Variants in NSUN3 observed in about 807,000 individuals in gnomAD.
The protein encoded by NSUN3 is tRNA (cytosine(34)-C(5))-methyltransferase, mitochondrial.
In NSUN3, 24 loss-of-function variants were observed where a neutral mutation model predicts 36.8. That is an observed-to-expected ratio of 0.65 (90% CI 0.47 to 0.92). NSUN3 has a LOEUF of 0.92. Ranked by LOEUF, NSUN3 falls within the 40% of genes least tolerant of loss-of-function variation. The pLI, the probability that NSUN3 is intolerant of heterozygous loss-of-function variation, is 0.00. For synonymous variants in NSUN3, 146 were observed against 145.2 expected, an observed-to-expected ratio of 1.01 and a Z score of -0.04; for missense variants, 381 against 392.8, an observed-to-expected ratio of 0.97 and a Z score of 0.25.
intron 2 of NSUN3, among the ~76,000 whole-genome samples, chr3:94,069,193 G>A (rs984794581): frequency 2.0e-5 from 3 of 152,142 alleles, no homozygotes; most frequent in East Asian, 3.8e-4. Flanking sequence ...CACCAGAAAC[G>A]CAAAGGATTT....
intron 5 of NSUN3, among the ~76,000 whole-genome samples, chr3:94,125,307 T>C (rs1298789994): frequency 1.3e-5 from 2 of 152,194 alleles, no homozygotes; most frequent in Non-Finnish European, 2.9e-5. Flanking sequence ...TATTTAATAA[T>C]GAGACAATAA....
chr3:94,116,579 A>T (rs887859548), intron 5 of NSUN3, among the ~76,000 whole-genome samples: 2 of 152,146 alleles, frequency 1.3e-5, no homozygotes, highest in Admixed American at 1.3e-4. Context: ...TACTTGCAAC[A>T]ATAATTAAAT....
At chr3:94,083,569 G>A (rs1375102550) in intron 2 of NSUN3, among the ~76,000 whole-genome samples, 1 of 152,190 alleles carries the variant, frequency 6.6e-6, no homozygotes, top group East Asian at 1.9e-4. Flanking sequence ...GTTATGGACA[G>A]CAACCAGAGA....
intron 1 of NSUN3, chr3:94,063,742 C>T (rs1255178850): frequency 1.3e-5 from 2 of 152,552 alleles, no homozygotes; most frequent in Non-Finnish European, 2.9e-5. Flanking sequence ...CTCAGCCTCC[C>T]TAGTAGCTAG....
intron 5 of NSUN3, among the ~76,000 whole-genome samples, chr3:94,103,943 C>T (rs1368238622): frequency 1.3e-5 from 2 of 152,128 alleles, no homozygotes; most frequent in Non-Finnish European, 2.9e-5. Flanking sequence ...GCAGGTGACC[C>T]AATTAAATCT....
Position 94,130,428 on chromosome 3 carries a change from G to A in NSUN3, c.*3938G>A, listed in dbSNP as rs894413300. Among the ~76,000 whole-genome samples, 3 of 152,136 alleles carry A rather than the reference G, an allele frequency of 2.0e-5. No homozygotes were observed. The highest frequency in any genetic ancestry group is 7.2e-5 in the African/African-American group (3 of 41,426). The stretch of plus-strand genomic sequence containing the variant: ...AATGTCTGCATTTTTCCATTGATTG[G>A]AGTGCATCCTTAGAAAACTGAAAAT... On this transcript the variant is annotated 3_prime_UTR_variant, in exon 6 of 6. Coordinates refer to ENST00000314622, the MANE Select transcript of NSUN3 (RefSeq NM_022072.5).
At chr3:94,099,081 G>A (rs2077354594) in intron 5 of NSUN3, among the ~76,000 whole-genome samples, 1 of 152,094 alleles carries the variant, frequency 6.6e-6, no homozygotes, top group Non-Finnish European at 1.5e-5. Context: ...AGAATTTATA[G>A]CTGTAATTAA....
At chr3:94,089,541 A>C (rs1030052201) in intron 3 of NSUN3, among the ~76,000 whole-genome samples, 1 of 152,192 alleles carries the variant, frequency 6.6e-6, no homozygotes, top group Non-Finnish European at 1.5e-5. Context: ...CATTCCACTG[A>C]AAAGGGAAGA....
intron 5 of NSUN3, 140 bp from the exon 6 acceptor site, chr3:94,126,071 A>G: frequency 1.5e-6 from 1 of 686,842 alleles, no homozygotes; most frequent in Non-Finnish European, 2.3e-6. Context: ...AAAAAAAAAA[A>G]AAGACTAGAA....
At chr3:94,065,146 C>T (rs2077199169) in intron 2 of NSUN3, among the ~76,000 whole-genome samples, 1 of 152,142 alleles carries the variant, frequency 6.6e-6, no homozygotes, top group African/African-American at 2.4e-5. Context: ...ACATTGAGTG[C>T]CTGATACACT....
chr3:94,105,307 G>A lies in NSUN3; in HGVS notation c.743+10153G>A, dbSNP rs922212578. Among the ~76,000 whole-genome samples, 11 of 152,256 alleles carry A rather than the reference G, an allele frequency of 7.2e-5. No individual in the cohort carries two copies. In the South Asian group the frequency reaches 1.4e-3, roughly 20 times the overall value. Reference sequence around the variant, plus strand: ...TGAAAAACCACGATCCAGCCTATCCGTTAAGAGTCCCTGTGACTCTTTCTT... The same window carrying A: ...TGAAAAACCACGATCCAGCCTATCCATTAAGAGTCCCTGTGACTCTTTCTT... On this transcript the variant is annotated intron_variant, in intron 5 of 5. Coordinates refer to ENST00000314622, the MANE Select transcript of NSUN3 (RefSeq NM_022072.5).
At chr3:94,090,515 A>G (rs2077310224) in intron 3 of NSUN3, among the ~76,000 whole-genome samples, 1 of 152,152 alleles carries the variant, frequency 6.6e-6, no homozygotes, top group African/African-American at 2.4e-5. Context: ...CAAGTCATCT[A>G]CATTTAATAT....
intron 5 of NSUN3, among the ~76,000 whole-genome samples, chr3:94,118,730 C>T (rs1216757592): frequency 1.3e-5 from 2 of 152,026 alleles, no homozygotes; most frequent in African/African-American, 2.4e-5. Flanking sequence ...ATGGCACAGA[C>T]ATTTACACAA....
At chr3:94,100,559 A>C (rs2077361039) in intron 5 of NSUN3, among the ~76,000 whole-genome samples, 1 of 152,224 alleles carries the variant, frequency 6.6e-6, no homozygotes, top group South Asian at 2.1e-4. Flanking sequence ...GATCTGTCGC[A>C]CTATGTGGTG....
At chr3:94,111,401 T>G (rs1386283806) in intron 5 of NSUN3, among the ~76,000 whole-genome samples, 4 of 152,148 alleles carry the variant, frequency 2.6e-5, no homozygotes, top group Non-Finnish European at 5.9e-5. Context: ...ATATTTTTCT[T>G]TCTTCTGTAA....
At chr3:94,114,754 C>T (rs1267891402) in intron 5 of NSUN3, among the ~76,000 whole-genome samples, 2 of 152,148 alleles carry the variant, frequency 1.3e-5, no homozygotes, top group African/African-American at 4.8e-5. Context: ...TCCACCCTTA[C>T]CCCCCTTCTG....
In NSUN3 at chr3:94,084,148, T is replaced by C; in HGVS notation, c.164T>C (p.Leu55Pro). 6.2e-7 allele frequency: 1 copy of C among 1,614,190 alleles called. No individual in the cohort carries two copies. The highest frequency in any genetic ancestry group is 8.5e-7 in the Non-Finnish European group (1 of 1,180,026). Residue 55 changes from leucine (L) to proline (P), a missense_variant, in exon 3 of 6, where the codon CTG becomes CCG. Physicochemically the swap from Leu to Pro is moderately conservative, Grantham distance 98. Coordinates refer to ENST00000314622, the MANE Select transcript of NSUN3 (RefSeq NM_022072.5). ...TSPSCWQYAV[L>P]LNRFNYPFEL... The stretch of plus-strand genomic sequence containing the variant: ...CCATCATGCTGGCAATATGCTGTCC[T>C]GCTTAACCGATTCAATTATCCTTTT...
chr3:94,072,351 A>G (rs1160278113), intron 2 of NSUN3, among the ~76,000 whole-genome samples: 1 of 152,158 alleles, frequency 6.6e-6, no homozygotes, highest in Non-Finnish European at 1.5e-5. Flanking sequence ...AGTTGCCAAA[A>G]TCTCTAAAAG....
chr3:94,107,664 A>G (rs940270772), intron 5 of NSUN3, among the ~76,000 whole-genome samples: 5 of 152,102 alleles, frequency 3.3e-5, no homozygotes, highest in Admixed American at 3.3e-4. Context: ...AAACTCTGTT[A>G]GGTTTCCCTT....
Sources: allele counts gnomAD v4.1 joint callset (sites outside exome capture counted in the v4.1 genomes callset), GRCh38; gene constraint gnomAD v4.1.1; transcripts MANE v1.5; gene names NCBI Gene and HGNC (gene_info 2026-07-23, HGNC 2026-07-21).